The following NKAIN3 variants were observed in gnomAD, a reference collection of about 807,000 sequenced individuals.
NKAIN3 encodes the protein sodium/potassium-transporting ATPase subunit beta-1-interacting protein 3.
A neutral mutation model predicts 30.2 loss-of-function variants in NKAIN3; 25 were observed. The observed-to-expected ratio is 0.83, with a 90% confidence interval of 0.60 to 1.16. The LOEUF is 1.16. Ranked by LOEUF, NKAIN3 falls within the 50% of genes most tolerant of loss-of-function variation. The pLI is 0.00. For synonymous variants in NKAIN3, 91 were observed against 89.6 expected, an observed-to-expected ratio of 1.02 and a Z score of -0.09; for missense variants, 225 against 254.1, an observed-to-expected ratio of 0.89 and a Z score of 0.78.
intron 4 of NKAIN3, among the ~76,000 whole-genome samples, chr8:62,755,292 G>A (rs1687376434): frequency 6.6e-6 from 1 of 152,096 alleles, no homozygotes. Context: ...AGGGTTCGGG[G>A]GTAAACTCTG....
chr8:62,661,615 C>A (rs1812948819), intron 3 of NKAIN3, among the ~76,000 whole-genome samples: 1 of 152,124 alleles, frequency 6.6e-6, no homozygotes, highest in African/African-American at 2.4e-5. Context: ...CTCCCTCTCT[C>A]TTCCTCCTTC....
At chr8:62,956,357 G>A (rs1342415791) in intron 6 of NKAIN3, among the ~76,000 whole-genome samples, 1 of 152,128 alleles carries the variant, frequency 6.6e-6, no homozygotes, top group Non-Finnish European at 1.5e-5. Context: ...TTTAATAAGG[G>A]GATCAGAAGA....
chr8:62,394,983 C>T lies in NKAIN3; in HGVS notation c.54+145856C>T, dbSNP rs544414984. The stretch of plus-strand genomic sequence containing the variant: ...GGCGCTCCTCACTTCCCAGACGGGT[C>T]GGCGGCCGGACAGAGGCGCTCATCA... On this transcript the variant is annotated intron_variant, in intron 1 of 6. Transcript: ENST00000623646. Among the ~76,000 whole-genome samples the T allele has an allele frequency of 5.2e-5, 7 of 134,652 alleles. No homozygotes were observed. In the South Asian group the frequency reaches 7.4e-4, roughly 14 times the overall value. The allele number at this position is 134,652 out of a possible 152,430, so 88.3% of individuals were successfully genotyped here. A position where few individuals can be genotyped will look rare whatever the true frequency, so the allele number is the denominator to read the frequency against.
At chr8:62,314,008 A>G (rs933026005) in intron 1 of NKAIN3, among the ~76,000 whole-genome samples, 2 of 152,128 alleles carry the variant, frequency 1.3e-5, no homozygotes, top group Non-Finnish European at 2.9e-5. Context: ...ATGCATTTTT[A>G]TCATTATTTC....
intron 3 of NKAIN3, among the ~76,000 whole-genome samples, chr8:62,632,613 C>T (rs971891359): frequency 1.3e-5 from 2 of 152,072 alleles, no homozygotes; most frequent in African/African-American, 2.4e-5. Flanking sequence ...AGCGATTCTC[C>T]TTCCTCAGCC....
intron 4 of NKAIN3, among the ~76,000 whole-genome samples, chr8:62,831,624 G>T (rs938384851): frequency 9.9e-5 from 15 of 151,924 alleles, no homozygotes; most frequent in Non-Finnish European, 4.4e-5. Flanking sequence ...GCAGAAGAAA[G>T]AATTTCAGAG....
In NKAIN3 at chr8:62,705,630, G is replaced by T. The variant is rs185110872; in HGVS notation, c.274-41302G>T. Among the ~76,000 whole-genome samples, 253 of 152,114 alleles carry T rather than the reference G, an allele frequency of 1.7e-3. 1 individual carries two copies. The highest frequency in any genetic ancestry group is 5.7e-3 in the African/African-American group (237 of 41,520). ...ATTCTGGACTGTTCTTCTATTTCTT[G>T]ACTTTTCTACTTTCTATTTGTTAAT... On this transcript the variant is annotated intron_variant, in intron 3 of 6. Transcript: ENST00000623646.
intron 1 of NKAIN3, chr8:62,383,484 T>C (rs1817335812): frequency 2.2e-6 from 1 of 455,066 alleles, no homozygotes; most frequent in Non-Finnish European, 4.4e-6. Flanking sequence ...TAGGGCACTT[T>C]TGTCTGCATT....
chr8:62,303,341 A>G (rs1190261414), intron 1 of NKAIN3, among the ~76,000 whole-genome samples: 3 of 150,426 alleles, frequency 2.0e-5, no homozygotes, highest in Non-Finnish European at 4.4e-5. Flanking sequence ...TGAGGATCCA[A>G]TTTCTAGTCC....
In NKAIN3 at chr8:62,969,674, T is replaced by C. The variant is rs1466956424; in HGVS notation, c.*4267T>C. On this transcript the variant is annotated 3_prime_UTR_variant, in exon 7 of 7. Coordinates refer to ENST00000623646, the MANE Select transcript of NKAIN3 (RefSeq NM_001304533.3). Reference sequence around the variant, plus strand: ...ATAGCTGAATTAAGTAGGAAAAATATAAATAATTGCTCTTTTAAAACTATA... The same window carrying C: ...ATAGCTGAATTAAGTAGGAAAAATACAAATAATTGCTCTTTTAAAACTATA... Among the ~76,000 whole-genome samples the C allele has an allele frequency of 2.0e-5, 3 of 152,190 alleles. No homozygotes were observed. Among genetic ancestry groups the C allele is most frequent in the East Asian group, 3.9e-4 (2 of 5,188 alleles).
At chr8:62,406,215 G>A (rs1247866977) in intron 1 of NKAIN3, among the ~76,000 whole-genome samples, 2 of 152,084 alleles carry the variant, frequency 1.3e-5, no homozygotes, top group African/African-American at 2.4e-5. Context: ...AACTGATATG[G>A]GCAACTATTA....
intron 3 of NKAIN3, among the ~76,000 whole-genome samples, chr8:62,739,703 A>G (rs1815802316): frequency 6.6e-6 from 1 of 152,196 alleles, no homozygotes; most frequent in Non-Finnish European, 1.5e-5. Context: ...GTAAGCCCCA[A>G]AATGAAAATA....
chr8:62,529,548 C>A (rs1322547577), intron 1 of NKAIN3, among the ~76,000 whole-genome samples: 1 of 152,002 alleles, frequency 6.6e-6, no homozygotes, highest in Non-Finnish European at 1.5e-5. Context: ...AGCTAGGGTG[C>A]CCCTTCCCCC....
At chr8:62,858,916 G>A (rs544364113) in intron 4 of NKAIN3, among the ~76,000 whole-genome samples, 1 of 152,344 alleles carries the variant, frequency 6.6e-6, no homozygotes, top group African/African-American at 2.4e-5. Context: ...CTAGGGGTAT[G>A]TACAGACACC....
At chr8:62,281,791 ATATAT>A (rs1277560463) in intron 1 of NKAIN3, among the ~76,000 whole-genome samples, 2 of 152,066 alleles carry the variant, frequency 1.3e-5, no homozygotes, top group East Asian at 3.9e-4. Flanking sequence ...TGTCATCCAG[ATATAT>A]TATAGTGTGA....
At chr8:62,849,239 C>G (rs1324285450) in intron 4 of NKAIN3, among the ~76,000 whole-genome samples, 1 of 150,322 alleles carries the variant, frequency 6.7e-6, no homozygotes, top group Admixed American at 6.6e-5. Context: ...CGGAGTGGTA[C>G]CAGCTATTTT....
chr8:62,925,206 T>C (rs901229775), intron 5 of NKAIN3, among the ~76,000 whole-genome samples: 3 of 152,274 alleles, frequency 2.0e-5, no homozygotes, highest in East Asian at 3.9e-4. Flanking sequence ...GATCATATCT[T>C]ACCTACCGTA....
chr8:62,776,420 C>A (rs1401822425), intron 4 of NKAIN3, among the ~76,000 whole-genome samples: 1 of 151,974 alleles, frequency 6.6e-6, no homozygotes, highest in Non-Finnish European at 1.5e-5. Context: ...GTCTTAATTT[C>A]TGGCTTAGTT....
chr8:62,518,444 T>A (rs1808059732), intron 1 of NKAIN3, among the ~76,000 whole-genome samples: 1 of 152,192 alleles, frequency 6.6e-6, no homozygotes, highest in African/African-American at 2.4e-5. Context: ...TCTCTCTGTG[T>A]ATCCATTTTC....
Sources: gnomAD v4.1 joint callset for allele counts (sites outside exome capture counted in the v4.1 genomes callset) on GRCh38, gnomAD v4.1.1 for gene constraint, MANE v1.5 for transcripts, NCBI Gene and HGNC (gene_info 2026-07-23, HGNC 2026-07-21) for gene names.